Variants in STAU2 observed in about 807,000 individuals in gnomAD.
STAU2 encodes the protein staufen double-stranded RNA binding protein 2.
STAU2 carries 20 observed loss-of-function variants against 65.9 expected under a neutral mutation model. The ratio of observed to expected loss-of-function variants is 0.30; its 90% CI spans 0.21 to 0.44. The LOEUF (loss-of-function observed/expected upper bound fraction) is 0.44. Among genes scored for constraint, STAU2 ranks in the 20% least tolerant of loss-of-function variants. The pLI, the probability that STAU2 is intolerant of heterozygous loss-of-function variation, is 1.00. For missense variants in STAU2, 558 were observed against 683.9 expected (o/e 0.82, Z 2.05); for synonymous variants, 232 against 233.9 (o/e 0.99, Z 0.07).
intron 2 of STAU2, among the ~76,000 whole-genome samples, chr8:73,739,030 G>A (rs764075629): frequency 3.0e-4 from 45 of 151,872 alleles, no homozygotes; most frequent in Non-Finnish European, 5.4e-4. Context: ...TCAGGAGTTC[G>A]GGACCAGCCT....
intron 6 of STAU2, among the ~76,000 whole-genome samples, chr8:73,668,739 GAGACAGGT>G (rs3830433): frequency 0.072 from 11,004 of 152,094 alleles, 422 homozygotes; most frequent in Middle Eastern, 0.13. Context: ...ATAATAAAAG[GAGACAGGT>G]ACTTCAGAAT....
chr8:73,454,799 T>C lies in STAU2; in HGVS notation c.1531-32097A>G, dbSNP rs565565914. On this transcript the variant is annotated intron_variant, in intron 13 of 14. Transcript: ENST00000524300. Reference sequence around the variant, plus strand: ...TTAATATGCATGGTCTGTAGATGTATATTAACACACACAGATCATGGATTT... The same window carrying C: ...TTAATATGCATGGTCTGTAGATGTACATTAACACACACAGATCATGGATTT... Among the ~76,000 whole-genome samples the C allele has an allele frequency of 7.9e-5, 12 of 152,342 alleles. No individual in the cohort carries two copies. In the South Asian group the frequency reaches 2.5e-3, roughly 32 times the overall value.
intron 6 of STAU2, among the ~76,000 whole-genome samples, chr8:73,649,874 TATATATATATATATATATATA>T (rs1563481271): frequency 3.1e-4 from 35 of 112,988 alleles, no homozygotes; most frequent in East Asian, 4.8e-4. Flanking sequence ...TAATTTTATA[TATATATATATATATATATATA>T]TATATATATA....
At chr8:73,536,735 C>T (rs1051090192) in intron 13 of STAU2, among the ~76,000 whole-genome samples, 1 of 152,098 alleles carries the variant, frequency 6.6e-6, no homozygotes, top group Non-Finnish European at 1.5e-5. Context: ...GTAACAATAT[C>T]CCTCCTCCCA....
In STAU2 at chr8:73,720,280, G is replaced by A. The variant is rs1236697991; in HGVS notation, c.-17-11118C>T. ...AGTGAGACCCTGTCTCAAAAAAAAAGCTATTCAGGTTATCCATTTTCTTCT... is the reference window on the plus strand; with the variant it reads ...AGTGAGACCCTGTCTCAAAAAAAAAACTATTCAGGTTATCCATTTTCTTCT... On this transcript the variant is annotated intron_variant, in intron 3 of 14. Transcript: ENST00000524300. 5.0e-5 allele frequency among the ~76,000 whole-genome samples: 5 copies of A among 100,234 alleles called. No individual in the cohort carries two copies. In the South Asian group the frequency reaches 1.4e-3, roughly 29 times the overall value. The allele number at this position is 100,234 out of a possible 152,430, so 65.8% of individuals were successfully genotyped here.
intron 11 of STAU2, among the ~76,000 whole-genome samples, chr8:73,584,810 G>A (rs1810245371): frequency 6.6e-6 from 1 of 152,186 alleles, no homozygotes; most frequent in South Asian, 2.1e-4. Context: ...AAAAACAAAT[G>A]AGAGAAAACA....
intron 13 of STAU2, among the ~76,000 whole-genome samples, chr8:73,451,536 C>A (rs1223418849): frequency 6.6e-6 from 1 of 151,658 alleles, no homozygotes; most frequent in African/African-American, 2.4e-5. Flanking sequence ...CCTACAAATA[C>A]GGCTGAGGCA....
intron 13 of STAU2, among the ~76,000 whole-genome samples, chr8:73,499,942 G>A (rs189400930): frequency 2.0e-5 from 3 of 151,954 alleles, no homozygotes; most frequent in Non-Finnish European, 2.9e-5. Context: ...AGAGATTGGC[G>A]CTCTCACGGA....
chr8:73,593,493 G>T (rs1039847628), intron 11 of STAU2, among the ~76,000 whole-genome samples: 4 of 152,194 alleles, frequency 2.6e-5, no homozygotes, highest in African/African-American at 9.7e-5. Flanking sequence ...GTCATTTTAA[G>T]TGTCTGGCAT....
At chr8:73,561,775 T>C (rs1001482345) in intron 12 of STAU2, among the ~76,000 whole-genome samples, 2 of 152,202 alleles carry the variant, frequency 1.3e-5, no homozygotes, top group East Asian at 1.9e-4. Flanking sequence ...CTAAAACTCA[T>C]AGAGTCCTTA....
At chr8:73,472,910 T>G (rs1363981361) in intron 13 of STAU2, among the ~76,000 whole-genome samples, 1 of 152,042 alleles carries the variant, frequency 6.6e-6, no homozygotes, top group African/African-American at 2.4e-5. Flanking sequence ...AAAGAACTGA[T>G]GTAATTAAAG....
chr8:73,443,075 T>C (rs1718128506), intron 13 of STAU2, among the ~76,000 whole-genome samples: 1 of 152,198 alleles, frequency 6.6e-6, no homozygotes, highest in African/African-American at 2.4e-5. Context: ...CCAACAGCAT[T>C]CTTTAGAAAT....
In STAU2 at chr8:73,446,359, C is replaced by T. The variant is rs145906407; in HGVS notation, c.1531-23657G>A. ...ATGGTGACAGAATAGCTTTGTATCT[C>T]GATCGCTGAGTGGTTGCACAAATCT... On this transcript the variant is annotated intron_variant, in intron 13 of 14. Coordinates refer to ENST00000524300, the MANE Select transcript of STAU2 (RefSeq NM_001164380.2). Among the ~76,000 whole-genome samples, 434 of 152,202 alleles carry T rather than the reference C, an allele frequency of 2.9e-3. 2 individuals are homozygous for T. The highest frequency in any genetic ancestry group is 3.9e-3 in the Non-Finnish European group (265 of 68,012).
intron 13 of STAU2, among the ~76,000 whole-genome samples, chr8:73,438,778 G>A (rs73318759): frequency 1.3e-4 from 20 of 152,318 alleles, no homozygotes; most frequent in African/African-American, 4.6e-4. Context: ...TGATACTCAG[G>A]GTTAGGCCCG....
intron 9 of STAU2, among the ~76,000 whole-genome samples, chr8:73,608,612 T>A (rs200682494): frequency 1.3e-3 from 181 of 136,212 alleles, no homozygotes; most frequent in Non-Finnish European, 1.6e-3. Context: ...CTCCGTCCCA[T>A]AAAAAAAAAA....
intron 12 of STAU2, among the ~76,000 whole-genome samples, chr8:73,576,795 G>A (rs949532546): frequency 6.6e-6 from 1 of 151,970 alleles, no homozygotes; most frequent in Non-Finnish European, 1.5e-5. Context: ...GAGTAATTAG[G>A]AGCATTACCT....
At chr8:73,572,732 T>A (rs1277058925) in intron 12 of STAU2, among the ~76,000 whole-genome samples, 1 of 152,210 alleles carries the variant, frequency 6.6e-6, no homozygotes, top group African/African-American at 2.4e-5. Flanking sequence ...AAACTAGGTA[T>A]TGATGGGATG....
chr8:73,704,117 T>TA (rs1820322532), intron 4 of STAU2, among the ~76,000 whole-genome samples: 2 of 152,200 alleles, frequency 1.3e-5, no homozygotes, highest in Non-Finnish European at 2.9e-5. Flanking sequence ...AGGCACATCC[T>TA]ACAGCTCAAA....
At chr8:73,622,033 C>T (rs1340926551) in intron 6 of STAU2, among the ~76,000 whole-genome samples, 3 of 150,980 alleles carry the variant, frequency 2.0e-5, no homozygotes, top group Non-Finnish European at 4.4e-5. Context: ...CTCGGCTCCC[C>T]GCAAGCTCCG....
Sources: gnomAD v4.1 joint callset for allele counts (sites outside exome capture counted in the v4.1 genomes callset) on GRCh38, gnomAD v4.1.1 for gene constraint, MANE v1.5 for transcripts, NCBI Gene and HGNC (gene_info 2026-07-23, HGNC 2026-07-21) for gene names.